The following NRXN1 variants were observed in gnomAD, a reference collection of about 807,000 sequenced individuals.
NRXN1 encodes the protein neurexin-1.
Under a neutral mutation model 150.9 loss-of-function variants are expected in NRXN1, and 39 were observed. That is an observed-to-expected ratio of 0.26 (90% CI 0.20 to 0.34). The LOEUF is 0.34. Ranked by LOEUF, NRXN1 falls within the 10% of genes least tolerant of loss-of-function variation. The probability of loss-of-function intolerance (pLI) is 1.00; values close to 1 mark genes in which losing one functional copy is unlikely to be tolerated. For synonymous variants in NRXN1, 924 were observed against 757.0 expected (o/e 1.22, Z -3.62); for missense variants, 1,815 against 1,949.9 (o/e 0.93, Z 1.30).
chr2:50,806,679 T>C (rs1299649977), intron 5 of NRXN1, among the ~76,000 whole-genome samples: 1 of 152,176 alleles, frequency 6.6e-6, no homozygotes, highest in African/African-American at 2.4e-5. Context: ...CTATTCATGA[T>C]AGGTTGTGTT....
chr2:50,160,444 G>A (rs2059294876), intron 18 of NRXN1, among the ~76,000 whole-genome samples: 1 of 152,034 alleles, frequency 6.6e-6, no homozygotes, highest in South Asian at 2.1e-4. Flanking sequence ...AGGAGGCTGA[G>A]GCAGGAAAAT....
chr2:50,091,248 C>T (rs1699510102), intron 19 of NRXN1, 75 bp downstream of exon 19: 16 of 1,535,390 alleles, frequency 1.0e-5, no homozygotes, highest in Admixed American at 5.0e-5. Flanking sequence ...TTTGGTGAAA[C>T]GGATGCAAAA....
intron 5 of NRXN1, among the ~76,000 whole-genome samples, chr2:50,906,416 C>T (rs568443185): frequency 6.6e-6 from 1 of 152,060 alleles, no homozygotes; most frequent in African/African-American, 2.4e-5. Context: ...AACTAATCAA[C>T]CAACAAACCC....
rs551997116 is a variant in NRXN1, at chr2:50,484,303, C to G, written c.3070+11602G>C. 4.6e-5 allele frequency among the ~76,000 whole-genome samples: 7 copies of G among 152,062 alleles called. No homozygotes were observed. In the East Asian group the frequency reaches 1.4e-3, roughly 29 times the overall value. On this transcript the variant is annotated intron_variant, in intron 15 of 22. Transcript: ENST00000401669. ...TCCAAAAAAGAATTCCTTCTGTGCT[C>G]GAAAGATGGAATATTATTAATACCA... is the stretch of plus-strand genomic sequence containing the variant.
intron 5 of NRXN1, among the ~76,000 whole-genome samples, chr2:50,811,997 T>C (rs1245674595): frequency 6.6e-6 from 1 of 152,162 alleles, no homozygotes; most frequent in Non-Finnish European, 1.5e-5. Flanking sequence ...CTTGGGATTA[T>C]CTAGACTATA....
At chr2:50,803,659 G>C (rs1326612344) in intron 5 of NRXN1, among the ~76,000 whole-genome samples, 1 of 152,136 alleles carries the variant, frequency 6.6e-6, no homozygotes, top group Non-Finnish European at 1.5e-5. Context: ...AATGGAAATG[G>C]TAAGCTTAAT....
At chr2:50,215,648 T>C (rs996606143) in intron 18 of NRXN1, among the ~76,000 whole-genome samples, 1 of 152,194 alleles carries the variant, frequency 6.6e-6, no homozygotes, top group Middle Eastern at 3.4e-3. Context: ...CCTTTTGAAG[T>C]TGTTTTAAAA....
chr2:50,790,351 T>C (rs1470432354), intron 5 of NRXN1, among the ~76,000 whole-genome samples: 1 of 152,214 alleles, frequency 6.6e-6, no homozygotes, highest in Non-Finnish European at 1.5e-5. Flanking sequence ...CCATCTCTTA[T>C]ATCACTTGAG....
intron 17 of NRXN1, among the ~76,000 whole-genome samples, chr2:50,259,223 T>C (rs2068012440): frequency 6.6e-6 from 1 of 151,952 alleles, no homozygotes. Flanking sequence ...TAAAGCTGTT[T>C]TGTCTACACT....
chr2:50,128,756 G>C (rs1454603317), intron 18 of NRXN1, among the ~76,000 whole-genome samples: 1 of 152,028 alleles, frequency 6.6e-6, no homozygotes, highest in Non-Finnish European at 1.5e-5. Context: ...GCTGAGGGGG[G>C]TGGATCGCCT....
chr2:49,994,925 C>A (rs1302242016), intron 21 of NRXN1, among the ~76,000 whole-genome samples: 1 of 152,184 alleles, frequency 6.6e-6, no homozygotes, highest in East Asian at 1.9e-4. Flanking sequence ...CACACCAGTG[C>A]CTCACATCCA....
chr2:50,107,186 C>T (rs929292934), intron 18 of NRXN1, among the ~76,000 whole-genome samples: 68 of 151,014 alleles, frequency 4.5e-4, no homozygotes, highest in African/African-American at 1.6e-3. Context: ...TTGAATTTAT[C>T]TATTTCTGAG....
At chr2:49,964,914 T>C (rs1417575525) in intron 21 of NRXN1, among the ~76,000 whole-genome samples, 1 of 152,138 alleles carries the variant, frequency 6.6e-6, no homozygotes, top group Non-Finnish European at 1.5e-5. Flanking sequence ...GAGACGAGGG[T>C]CTCACTCTGT....
At chr2:50,524,430 G>T (rs2092885635) in intron 12 of NRXN1, among the ~76,000 whole-genome samples, 1 of 151,786 alleles carries the variant, frequency 6.6e-6, no homozygotes, top group Non-Finnish European at 1.5e-5. Flanking sequence ...AGAGAGCTGA[G>T]ATTGCACCAC....
intron 5 of NRXN1, among the ~76,000 whole-genome samples, chr2:50,875,260 T>C (rs1270852360): frequency 6.6e-6 from 1 of 151,698 alleles, no homozygotes; most frequent in Non-Finnish European, 1.5e-5. Flanking sequence ...CCATATAACT[T>C]CTTCACTGCA....
chr2:49,941,127 C>A (rs920034), intron 22 of NRXN1, among the ~76,000 whole-genome samples: 26,392 of 151,626 alleles, frequency 0.17, 2,546 homozygotes, highest in East Asian at 0.29. Context: ...AAACAGGGTT[C>A]CTGCTTCATG....
intron 15 of NRXN1, among the ~76,000 whole-genome samples, chr2:50,481,035 A>G (rs2090419401): frequency 6.6e-6 from 1 of 152,212 alleles, no homozygotes; most frequent in Admixed American, 6.5e-5. Flanking sequence ...GAGCTACAAG[A>G]GGAGTAAAGG....
chr2:50,574,500 A>G (rs1671107246), intron 8 of NRXN1, among the ~76,000 whole-genome samples: 1 of 152,112 alleles, frequency 6.6e-6, no homozygotes. Context: ...TGCAGGCAAA[A>G]TCAAATTAAC....
rs1699001596 is a variant in NRXN1 at position 50,994,573 on chromosome 2, G to T, written c.772+32929C>A. Among the ~76,000 whole-genome samples the T allele has an allele frequency of 2.0e-5, 3 of 151,948 alleles. No homozygotes were observed. The South Asian group carries it at 6.2e-4, about 31-fold the overall frequency. On this transcript the variant is annotated intron_variant, in intron 2 of 22. Coordinates refer to ENST00000401669, the MANE Select transcript of NRXN1 (RefSeq NM_001330078.2). ...AAAACCTCATCATAATCAGAGAATT[G>T]ATTTTTAAACTTCCTCTTCCATAAG...
Sources: allele counts gnomAD v4.1 joint callset (sites outside exome capture counted in the v4.1 genomes callset), GRCh38; gene constraint gnomAD v4.1.1; transcripts MANE v1.5; gene names NCBI Gene and HGNC (gene_info 2026-07-23, HGNC 2026-07-21).